Variants in AGRN observed in about 807,000 individuals in gnomAD.
The protein encoded by AGRN is agrin proteoglycan.
A neutral mutation model predicts 211.0 loss-of-function variants in AGRN; 106 were observed. That is an observed-to-expected ratio of 0.50 (90% CI 0.43 to 0.59). The LOEUF is 0.59. AGRN is among the 20% of genes least tolerant of loss of function. The probability of loss-of-function intolerance (pLI) is 0.00; values close to 1 mark genes in which losing one functional copy is unlikely to be tolerated. For synonymous variants in AGRN, 1,525 were observed against 1,332.5 expected (o/e 1.14, Z -3.15); for missense variants, 3,040 against 2,982.6 (o/e 1.02, Z -0.45).
chr1:1,053,347 G>T, intron 33 of AGRN: 1 of 975,076 alleles, frequency 1.0e-6, no homozygotes. Flanking sequence ...GATCCTCGAG[G>T]TCACGCATGT....
At chr1:1,036,712 G>A (rs369681814) in intron 3 of AGRN, among the ~76,000 whole-genome samples, 26 of 151,680 alleles carry the variant, frequency 1.7e-4, no homozygotes, top group Middle Eastern at 3.4e-3. Context: ...TCCAACACCC[G>A]CCCCCCAACC....
intron 2 of AGRN, 112 bp from the exon 3 acceptor site, chr1:1,035,164 AG>A (rs1457664496): frequency 0.012 from 11,761 of 942,630 alleles, 220 homozygotes; most frequent in South Asian, 0.053. Flanking sequence ...CCCTGGGGCT[AG>A]CGGTGGGGGG....
Position 1,047,349 on chromosome 1 carries a change from C to T in AGRN, c.3411C>T (p.Val1137=). 1 of 1,607,484 alleles carries T rather than the reference C, an allele frequency of 6.2e-7. No homozygotes were observed. Among genetic ancestry groups the T allele is most frequent in the East Asian group, 2.2e-5 (1 of 44,796 alleles). Residue 1137 remains valine, a synonymous_variant, in exon 20 of 36, where the codon GTC becomes GTT. Transcript: ENST00000379370. ...CAGCCACCAAGGTGTTCCAGGGCGT[C>T]CTGGAGCTGGAGGGCGTCGAGGGCC... ...NCPATKVFQG[V]LELEGVEGQE... is the part of the protein sequence containing the mutation.
intron 3 of AGRN, among the ~76,000 whole-genome samples, chr1:1,038,414 G>C (rs897992150): frequency 6.6e-6 from 1 of 152,232 alleles, no homozygotes; most frequent in African/African-American, 2.4e-5. Flanking sequence ...TCCCATCCCA[G>C]AGCTTGCTCT....
chr1:1,047,095 GA>G, intron 19 of AGRN, 138 bp downstream of exon 19: 2 of 1,434,436 alleles, frequency 1.4e-6, no homozygotes, highest in Non-Finnish European at 1.9e-6. Context: ...GCGTGCCGGG[GA>G]CCCCACGCCT....
chr1:1,029,691 T>C (rs3109217), intron 2 of AGRN, among the ~76,000 whole-genome samples: 11 of 78,600 alleles, frequency 1.4e-4, no homozygotes, highest in African/African-American at 4.7e-4. Context: ...GTGTGTGCAG[T>C]GCATGGTGCT....
chr1:1,026,779 C>G (rs1644529929), intron 2 of AGRN, among the ~76,000 whole-genome samples: 1 of 152,188 alleles, frequency 6.6e-6, no homozygotes, highest in Non-Finnish European at 1.5e-5. Context: ...CCAGGAGGTG[C>G]CTGCCCCTCA....
chr1:1,041,551 G>T lies in AGRN; in HGVS notation c.1026G>T (p.Met342Ile), dbSNP rs751462657. 1.2e-6 allele frequency: 2 copies of T among 1,608,022 alleles called. No homozygotes were observed. ...ACCCGCGCACGCGGCGCCCTGAGAT[G>T]CTCCTACGGCCCGAGAGCTGCCCTG... Reference protein sequence around the residue: ...RVNPRTRRPEMLLRPESCPAR... With the variant: ...RVNPRTRRPEILLRPESCPAR... Residue 342 changes from methionine to isoleucine, a missense_variant, in exon 6 of 36, where the codon ATG becomes ATT. Met to Ile is a conservative substitution (Grantham distance 10). Transcript: ENST00000379370.
At chr1:1,051,683 G>A (rs1239820453) in intron 32 of AGRN, 38 bp downstream of exon 32, 5 of 1,613,064 alleles carry the variant, frequency 3.1e-6, no homozygotes, top group Non-Finnish European at 4.2e-6. Flanking sequence ...AGGCCGGATG[G>A]GCCCGGAGCC....
rs2100630284 is a variant in AGRN, at chr1:1,040,859, C to T, written c.706C>T (p.Leu236=). ...GTGCAGCCAGCAGCGCCGCATCCGC[C>T]TGCTCAGCCGCGGGCCGTGCGGTGA... ...AQCSQQRRIR[L]LSRGPCGSRD... The change falls in exon 4 of 36, where the codon CTG becomes TTG. Residue 236 remains leucine, a synonymous_variant. Coordinates refer to ENST00000379370, the MANE Select transcript of AGRN (RefSeq NM_198576.4). The T allele has an allele frequency of 3.9e-6, 6 of 1,528,512 alleles. No individual in the cohort carries two copies. Among genetic ancestry groups the T allele is most frequent in the Non-Finnish European group, 5.2e-6 (6 of 1,144,200 alleles). The allele number at this position is 1,528,512 out of a possible 1,614,324, so 94.7% of individuals were successfully genotyped here. A position where few individuals can be genotyped will look rare whatever the true frequency, so the allele number is the denominator to read the frequency against.
chr1:1,046,483 C>G lies in AGRN; in HGVS notation c.2998C>G (p.Pro1000Ala). Residue 1000 changes from proline to alanine, a missense_variant, in exon 18 of 36, where the codon CCC becomes GCC. Pro to Ala is a conservative substitution (Grantham distance 27). Transcript: ENST00000379370. ...GLLLSQALPA[P>A]PGALPLAPSS... is the part of the protein sequence containing the mutation. ...CCTCCTGAGCCAGGCACTGCCGGCC[C>G]CCCCCGGCGCCCTCCCCCTGGCTCC... The G allele has an allele frequency of 6.2e-7, 1 of 1,610,656 alleles. No homozygotes were observed. The highest frequency in any genetic ancestry group is 8.5e-7 in the Non-Finnish European group (1 of 1,178,644).
chr1:1,036,727 C>A (rs1438512772), intron 3 of AGRN, among the ~76,000 whole-genome samples: 1 of 152,170 alleles, frequency 6.6e-6, no homozygotes, highest in African/African-American at 2.4e-5. Context: ...CCAACCCCAC[C>A]AGGCTGTTCC....
intron 3 of AGRN, 67 bp from the exon 4 acceptor site, chr1:1,040,598 C>G: frequency 6.6e-7 from 1 of 1,526,452 alleles, no homozygotes; most frequent in Non-Finnish European, 8.8e-7. Flanking sequence ...ACGGCAAGGT[C>G]TCTCAGGCTT....
chr1:1,036,991 A>G (rs1262181946), intron 3 of AGRN, among the ~76,000 whole-genome samples: 1 of 152,124 alleles, frequency 6.6e-6, no homozygotes, highest in East Asian at 1.9e-4. Flanking sequence ...GTAGGTGAGC[A>G]GCTGGCTTGT....
Position 1,049,737 on chromosome 1 carries a change from C to T in AGRN, c.4686C>T (p.Ala1562=). 1 of 1,578,902 alleles carries T rather than the reference C, an allele frequency of 6.3e-7. No homozygotes were observed. The highest frequency in any genetic ancestry group is 8.6e-7 in the Non-Finnish European group (1 of 1,164,636). The change falls in exon 26 of 36, where the codon GCC becomes GCT. Residue 1562 remains alanine, a synonymous_variant. Transcript: ENST00000379370. The stretch of plus-strand genomic sequence containing the variant: ...TGCCCAACCCCTGCCATGGCGGGGC[C>T]CCATGCCAGAACCTGGAGGCTGGAA... ...PCLPNPCHGG[A]PCQNLEAGRF... is the part of the protein sequence containing the mutation.
chr1:1,031,723 C>T lies in AGRN; in HGVS notation c.464-3554C>T, dbSNP rs907515455. Among the ~76,000 whole-genome samples the T allele has an allele frequency of 6.6e-6, 1 of 152,234 alleles. No individual in the cohort carries two copies. The highest frequency in any genetic ancestry group is 1.5e-5 in the Non-Finnish European group (1 of 68,030). ...CAGGCAGTGTTTGAGGCCCCCTCTGCCAGCCCGTACCTGGGGCTCCCCCAC... is the reference window on the plus strand; with the variant it reads ...CAGGCAGTGTTTGAGGCCCCCTCTGTCAGCCCGTACCTGGGGCTCCCCCAC... On this transcript the variant is annotated intron_variant, in intron 2 of 35. Coordinates refer to ENST00000379370, the MANE Select transcript of AGRN (RefSeq NM_198576.4). The surrounding 1 kb of genome is among the most constrained non-coding windows in gnomAD (Gnocchi z 4.8).
At position 1,032,869 on chromosome 1, in the gene AGRN, C is replaced by T. The variant is rs1057115421; in HGVS notation, c.464-2408C>T. The stretch of plus-strand genomic sequence containing the variant: ...TGCGGTCGCCGAGAGATTCTGGCCT[C>T]CAGGGTGGTCGGGCCTGGCATGGAC... On this transcript the variant is annotated intron_variant, in intron 2 of 35. Coordinates refer to ENST00000379370, the MANE Select transcript of AGRN (RefSeq NM_198576.4). This position sits in a 1 kb window ranked among gnomAD's most constrained non-coding sequence, Gnocchi z 4.7. 1.3e-5 allele frequency among the ~76,000 whole-genome samples: 2 copies of T among 152,048 alleles called. No homozygotes were observed. The highest frequency in any genetic ancestry group is 3.9e-4 in the East Asian group (2 of 5,176).
chr1:1,045,644 C>T, intron 14 of AGRN, 89 bp from the exon 15 acceptor site: 4 of 1,609,162 alleles, frequency 2.5e-6, no homozygotes, highest in South Asian at 2.2e-5. Flanking sequence ...GGGGGCTGGG[C>T]AGAGCCAGGG....
Position 1,049,932 on chromosome 1 carries a change from T to C in AGRN, c.4774T>C (p.Cys1592Arg), listed in dbSNP as rs1287287968. 1.2e-6 allele frequency: 2 copies of C among 1,611,852 alleles called. No homozygotes were observed. The highest frequency in any genetic ancestry group is 1.1e-5 in the South Asian group (1 of 91,074). The change falls in exon 27 of 36, where the codon TGC becomes CGC. Residue 1592 changes from cysteine to arginine, a missense_variant. Transcript: ENST00000379370. Reference sequence around the variant, plus strand: ...AACCTGTGCCGATGAGAAGAGCCCCTGCCAGCCCAACCCCTGCCATGGGGC... The same window carrying C: ...AACCTGTGCCGATGAGAAGAGCCCCCGCCAGCCCAACCCCTGCCATGGGGC... ...GPTCADEKSP[C>R]QPNPCHGAAP...
Sources: allele counts gnomAD v4.1 joint callset (sites outside exome capture counted in the v4.1 genomes callset), GRCh38; gene constraint gnomAD v4.1.1; non-coding constraint Gnocchi (gnomAD v3.1); transcripts MANE v1.5; gene names NCBI Gene and HGNC (gene_info 2026-07-23, HGNC 2026-07-21).